TRDN: variants seen among roughly 807,000 people sequenced by gnomAD.
TRDN encodes the protein triadin, also known as triadin in skeletal muscle.
Under a neutral mutation model 149.7 loss-of-function variants are expected in TRDN, and 161 were observed. The ratio of observed to expected loss-of-function variants is 1.08; its 90% CI spans 0.95 to 1.23. The LOEUF (loss-of-function observed/expected upper bound fraction) is 1.23. Among genes scored for constraint, TRDN ranks in the 50% most tolerant of loss-of-function variants. The pLI is 0.00. For missense variants in TRDN, 896 were observed against 823.5 expected (o/e 1.09, Z -1.08); for synonymous variants, 294 against 250.5 (o/e 1.17, Z -1.64).
rs139408849 is a variant in TRDN at position 123,531,670 on chromosome 6, A to G, written c.425-1105T>C. Among the ~76,000 whole-genome samples the G allele has an allele frequency of 2.1e-3, 316 of 152,178 alleles. No homozygotes were observed. The South Asian group carries it at 0.023, about 11-fold the overall frequency. On this transcript the variant is annotated intron_variant, in intron 4 of 40. Transcript: ENST00000334268. ...ATGGTGATGAAGATATGAACAGGTA[A>G]GGCACTCATTCTTGTCCCTGAAAAC...
At chr6:123,290,464 CA>C (rs1777963866) in intron 24 of TRDN, among the ~76,000 whole-genome samples, 1 of 152,110 alleles carries the variant, frequency 6.6e-6, no homozygotes, top group African/African-American at 2.4e-5. Flanking sequence ...TAAAATTTAA[CA>C]GAATTTTTAT....
In TRDN at chr6:123,220,144, T is replaced by A. The variant is rs114685140; in HGVS notation, c.2050+1343A>T. On this transcript the variant is annotated intron_variant, in intron 40 of 40. Coordinates refer to ENST00000334268, the MANE Select transcript of TRDN (RefSeq NM_006073.4). Reference sequence around the variant, plus strand: ...GTTAGAATATTTGACACCATTTTACTAAAAGTATTTGCGTTTTGTTTTTAA... The same window carrying A: ...GTTAGAATATTTGACACCATTTTACAAAAAGTATTTGCGTTTTGTTTTTAA... Among the ~76,000 whole-genome samples, 1,316 of 151,958 alleles carry A rather than the reference T, an allele frequency of 8.7e-3. 15 individuals are homozygous for A. The highest frequency in any genetic ancestry group is 0.03 in the African/African-American group (1,252 of 41,520).
chr6:123,355,896 C>A (rs1050298378), intron 20 of TRDN, among the ~76,000 whole-genome samples: 1 of 151,740 alleles, frequency 6.6e-6, no homozygotes, highest in Non-Finnish European at 1.5e-5. Context: ...TATATTAGAA[C>A]AGCATTGTAG....
chr6:123,355,285 A>T (rs1208799059), intron 20 of TRDN, among the ~76,000 whole-genome samples: 5 of 151,648 alleles, frequency 3.3e-5, no homozygotes, highest in African/African-American at 1.2e-4. Context: ...ATTAAATTCA[A>T]TGTATCAATC....
At chr6:123,443,923 C>A (rs1372037572) in intron 10 of TRDN, among the ~76,000 whole-genome samples, 1 of 150,754 alleles carries the variant, frequency 6.6e-6, no homozygotes, top group East Asian at 1.9e-4. Context: ...GTTACTGTAG[C>A]CTTGTAGTAT....
At chr6:123,387,238 C>T (rs569066684) in intron 14 of TRDN, among the ~76,000 whole-genome samples, 1 of 151,994 alleles carries the variant, frequency 6.6e-6, no homozygotes, top group Non-Finnish European at 1.5e-5. Flanking sequence ...TCCCAAACAG[C>T]TTTTATTTAC....
At chr6:123,413,643 G>A (rs1475980946) in intron 12 of TRDN, among the ~76,000 whole-genome samples, 2 of 152,154 alleles carry the variant, frequency 1.3e-5, no homozygotes, top group African/African-American at 4.8e-5. Context: ...AAGAGAAAGA[G>A]TGGTGTTTAA....
intron 12 of TRDN, among the ~76,000 whole-genome samples, chr6:123,401,829 T>C (rs541165203): frequency 2.5e-4 from 38 of 151,506 alleles, no homozygotes; most frequent in Non-Finnish European, 4.9e-4. Context: ...CACCTGTAAT[T>C]CCAGCTACTA....
intron 24 of TRDN, among the ~76,000 whole-genome samples, chr6:123,292,647 C>T (rs1017710339): frequency 1.1e-4 from 16 of 152,024 alleles, no homozygotes; most frequent in Admixed American, 3.3e-4. Context: ...ATGGAAGGGC[C>T]CTTATCAGGT....
intron 12 of TRDN, among the ~76,000 whole-genome samples, chr6:123,406,058 C>T (rs1019786928): frequency 1.3e-5 from 2 of 152,248 alleles, no homozygotes; most frequent in African/African-American, 4.8e-5. Context: ...ATTCTTCATC[C>T]TTCATTTGTT....
intron 24 of TRDN, among the ~76,000 whole-genome samples, chr6:123,312,459 CTGTTCTCTAGTTCACTTTGT>C (rs1778862741): frequency 6.6e-6 from 1 of 151,832 alleles, no homozygotes; most frequent in Non-Finnish European, 1.5e-5. Context: ...ATAATATTTT[CTGTTCTCTAGTTCACTTTGT>C]TGTAGGAATA....
At chr6:123,596,712 C>T (rs925008189) in intron 1 of TRDN, among the ~76,000 whole-genome samples, 1 of 152,048 alleles carries the variant, frequency 6.6e-6, no homozygotes, top group African/African-American at 2.4e-5. Context: ...CTTGTCTATG[C>T]TCTATCAGTG....
chr6:123,296,635 C>T (rs980110888), intron 24 of TRDN, among the ~76,000 whole-genome samples: 8 of 150,114 alleles, frequency 5.3e-5, no homozygotes, highest in South Asian at 2.1e-4. Context: ...AGTTCACAAA[C>T]GTTCTTTTTT....
chr6:123,418,359 G>C, intron 12 of TRDN: 1 of 152,124 alleles, frequency 6.6e-6, no homozygotes, highest in East Asian at 1.9e-4. Flanking sequence ...CAGCTGAAAA[G>C]CAAGTTACTG....
chr6:123,507,357 G>A (rs1209249137), intron 7 of TRDN, among the ~76,000 whole-genome samples: 1 of 151,830 alleles, frequency 6.6e-6, no homozygotes. Context: ...TTTTCTAAGA[G>A]GTAGAACCAC....
At chr6:123,526,041 G>A (rs1464652017) in intron 5 of TRDN, among the ~76,000 whole-genome samples, 1 of 151,998 alleles carries the variant, frequency 6.6e-6, no homozygotes, top group Non-Finnish European at 1.5e-5. Context: ...GTGGTAATTT[G>A]TTACAGCAGC....
At chr6:123,228,166 T>C (rs1335956294) in intron 38 of TRDN, among the ~76,000 whole-genome samples, 1 of 151,932 alleles carries the variant, frequency 6.6e-6, no homozygotes. Context: ...AGAATATCTG[T>C]GAGGAATATA....
chr6:123,594,520 G>A (rs934475514), intron 1 of TRDN, among the ~76,000 whole-genome samples: 13 of 151,974 alleles, frequency 8.6e-5, no homozygotes, highest in Middle Eastern at 3.4e-3. Flanking sequence ...ACAATAAAAT[G>A]TTTCTCCAAA....
At chr6:123,298,019 G>A (rs1388909711) in intron 24 of TRDN, among the ~76,000 whole-genome samples, 1 of 151,834 alleles carries the variant, frequency 6.6e-6, no homozygotes, top group East Asian at 1.9e-4. Flanking sequence ...CTTCATCATA[G>A]GCTTGAAAAA....
Sources: gnomAD v4.1 joint callset for allele counts (sites outside exome capture counted in the v4.1 genomes callset) on GRCh38, gnomAD v4.1.1 for gene constraint, MANE v1.5 for transcripts, NCBI Gene and HGNC (gene_info 2026-07-23, HGNC 2026-07-21) for gene names.